The following PTPRD variants were observed in gnomAD, a reference collection of about 807,000 sequenced individuals.
The protein encoded by PTPRD is receptor-type tyrosine-protein phosphatase delta.
PTPRD carries 34 observed loss-of-function variants against 214.5 expected under a neutral mutation model. The observed-to-expected ratio is 0.16, with a 90% CI of 0.12 to 0.21. PTPRD has a LOEUF of 0.21. PTPRD is among the 10% of genes least tolerant of loss of function. The pLI is 1.00. For missense variants in PTPRD, 2,545 were observed against 2,398.7 expected (o/e 1.06, Z -1.27); for synonymous variants, 1,128 against 845.7 (o/e 1.33, Z -5.79).
chr9:10,279,670 A>C (rs1184782052), intron 3 of PTPRD, among the ~76,000 whole-genome samples: 5 of 151,738 alleles, frequency 3.3e-5, no homozygotes, highest in Admixed American at 1.3e-4. Context: ...ACTATATGCT[A>C]GACACTATGC....
intron 2 of PTPRD, among the ~76,000 whole-genome samples, chr9:10,543,115 C>A (rs2059479753): frequency 6.6e-6 from 1 of 151,910 alleles, no homozygotes; most frequent in African/African-American, 2.4e-5. Context: ...GAACTCCCGA[C>A]CTCAGGTGAT....
At chr9:9,241,111 T>A (rs1165521650) in intron 9 of PTPRD, among the ~76,000 whole-genome samples, 1 of 152,168 alleles carries the variant, frequency 6.6e-6, no homozygotes, top group Non-Finnish European at 1.5e-5. Context: ...AAGAATTAAT[T>A]CGTGGGTCTA....
chr9:8,677,975 T>C (rs1016807955), intron 12 of PTPRD, among the ~76,000 whole-genome samples: 2 of 152,148 alleles, frequency 1.3e-5, no homozygotes, highest in African/African-American at 4.8e-5. Flanking sequence ...TCTTTGTGGG[T>C]GCAGGCCTGC....
intron 4 of PTPRD, among the ~76,000 whole-genome samples, chr9:9,991,497 G>A (rs1566964136): frequency 6.6e-6 from 1 of 151,256 alleles, no homozygotes; most frequent in Admixed American, 6.6e-5. Context: ...GAGTAGCTGG[G>A]ATTACAGGCA....
intron 5 of PTPRD, among the ~76,000 whole-genome samples, chr9:9,779,078 C>CCAAAAAAAA (rs1282567404): frequency 4.4e-5 from 2 of 45,484 alleles, no homozygotes; most frequent in Non-Finnish European, 4.0e-5. Flanking sequence ...ATAAGACTGA[C>CCAAAAAAAA]AAAAAAAAAA....
intron 2 of PTPRD, among the ~76,000 whole-genome samples, chr9:10,540,190 C>T (rs532196572): frequency 1.1e-4 from 16 of 152,030 alleles, no homozygotes; most frequent in East Asian, 3.9e-4. Context: ...CCACTATGCC[C>T]GGCTAATTTG....
intron 9 of PTPRD, among the ~76,000 whole-genome samples, chr9:9,345,612 G>T (rs773336308): frequency 6.6e-6 from 1 of 152,020 alleles, no homozygotes; most frequent in African/African-American, 2.4e-5. Flanking sequence ...ACTCCCCCAA[G>T]GTCATCCCAT....
chr9:9,749,121 C>G (rs180983664), intron 6 of PTPRD, among the ~76,000 whole-genome samples: 25 of 152,164 alleles, frequency 1.6e-4, no homozygotes, highest in African/African-American at 5.8e-4. Flanking sequence ...TAAAGTTTGG[C>G]AGAAGACCCT....
chr9:8,637,795 T>C (rs1397034375), intron 12 of PTPRD, among the ~76,000 whole-genome samples: 1 of 152,152 alleles, frequency 6.6e-6, no homozygotes. Context: ...AAATATGGCA[T>C]GAAGATGGAA....
chr9:10,161,511 C>G (rs1463774273), intron 3 of PTPRD, among the ~76,000 whole-genome samples: 1 of 151,704 alleles, frequency 6.6e-6, no homozygotes, highest in East Asian at 1.9e-4. Context: ...AGGAATTAAA[C>G]TAGACCCTAT....
chr9:9,663,160 GAATTA>G (rs1361504702), intron 7 of PTPRD, among the ~76,000 whole-genome samples: 1 of 151,244 alleles, frequency 6.6e-6, no homozygotes, highest in Non-Finnish European at 1.5e-5. Flanking sequence ...CAAAAACTCA[GAATTA>G]AAATTAAATG....
intron 3 of PTPRD, among the ~76,000 whole-genome samples, chr9:10,243,836 C>A (rs1275181276): frequency 6.6e-6 from 1 of 151,942 alleles, no homozygotes; most frequent in African/African-American, 2.4e-5. Flanking sequence ...AACCTAAAGA[C>A]ATATATGTAT....
intron 9 of PTPRD, among the ~76,000 whole-genome samples, chr9:9,342,335 G>A (rs1445704098): frequency 6.6e-6 from 1 of 152,036 alleles, no homozygotes; most frequent in African/African-American, 2.4e-5. Flanking sequence ...TTTAAAAAGA[G>A]GTGGAGAAGA....
At chr9:9,913,981 C>A (rs1436813465) in intron 5 of PTPRD, among the ~76,000 whole-genome samples, 1 of 152,178 alleles carries the variant, frequency 6.6e-6, no homozygotes, top group Admixed American at 6.5e-5. Context: ...AATGCTACAA[C>A]CCCAGCTATG....
chr9:10,356,408 A>G (rs973068864), intron 2 of PTPRD, among the ~76,000 whole-genome samples: 1 of 152,208 alleles, frequency 6.6e-6, no homozygotes, highest in Non-Finnish European at 1.5e-5. Flanking sequence ...ATGATATTTG[A>G]AAATGCTGTC....
intron 5 of PTPRD, among the ~76,000 whole-genome samples, chr9:9,919,511 T>C (rs2081950717): frequency 6.6e-6 from 1 of 152,164 alleles, no homozygotes; most frequent in Non-Finnish European, 1.5e-5. Context: ...TTCGGATAAT[T>C]ATTCAAATGA....
At chr9:9,684,566 G>C (rs1000099030) in intron 7 of PTPRD, among the ~76,000 whole-genome samples, 1 of 151,514 alleles carries the variant, frequency 6.6e-6, no homozygotes, top group African/African-American at 2.4e-5. Flanking sequence ...ATTAATACTT[G>C]GGAGGAGACT....
At chr9:9,985,648 A>T (rs2095684524) in intron 4 of PTPRD, among the ~76,000 whole-genome samples, 1 of 152,086 alleles carries the variant, frequency 6.6e-6, no homozygotes, top group South Asian at 2.1e-4. Flanking sequence ...CTATAGATAC[A>T]CCACCTTTCA....
At chr9:10,552,653 A>G (rs1885507) in intron 2 of PTPRD, among the ~76,000 whole-genome samples, 21,520 of 152,168 alleles carry the variant, frequency 0.14, 2,219 homozygotes, top group East Asian at 0.51. Flanking sequence ...TGTTGTCAAA[A>G]AATAACATAT....
Sources: allele counts gnomAD v4.1 joint callset (sites outside exome capture counted in the v4.1 genomes callset), GRCh38; gene constraint gnomAD v4.1.1; transcripts MANE v1.5; gene names NCBI Gene and HGNC (gene_info 2026-07-23, HGNC 2026-07-21).